The following SSH1 variants were observed in gnomAD, a reference collection of about 807,000 sequenced individuals.
SSH1 encodes the protein protein phosphatase Slingshot homolog 1.
SSH1 carries 43 observed loss-of-function variants against 79.7 expected under a neutral mutation model. The observed-to-expected ratio is 0.54, with a 90% CI of 0.42 to 0.70. The LOEUF is 0.70. SSH1 is among the 30% of genes least tolerant of loss of function. The pLI, the probability that SSH1 is intolerant of heterozygous loss-of-function variation, is 0.00. For missense variants in SSH1, 1,206 were observed against 1,358.8 expected (o/e 0.89, Z 1.77); for synonymous variants, 599 against 538.3 (o/e 1.11, Z -1.56).
intron 13 of SSH1, among the ~76,000 whole-genome samples, chr12:108,793,829 G>A (rs887189938): frequency 6.6e-6 from 1 of 152,226 alleles, no homozygotes; most frequent in African/African-American, 2.4e-5. Flanking sequence ...AGAGGTAAAT[G>A]TAAGAGCACA....
At chr12:108,855,436 A>G (rs2039125099) in intron 1 of SSH1, among the ~76,000 whole-genome samples, 1 of 152,228 alleles carries the variant, frequency 6.6e-6, no homozygotes, top group Non-Finnish European at 1.5e-5. Flanking sequence ...TGGTTGCACA[A>G]TCTCATGTAT....
chr12:108,792,914 G>A (rs1290404918), intron 13 of SSH1, 85 bp from the exon 14 acceptor site: 2 of 1,566,082 alleles, frequency 1.3e-6, no homozygotes, highest in Non-Finnish European at 1.7e-6. Flanking sequence ...AGCCAGTGAG[G>A]GGCTGCCCAA....
chr12:108,796,663 T>C (rs1312745924), intron 13 of SSH1, among the ~76,000 whole-genome samples: 1 of 152,252 alleles, frequency 6.6e-6, no homozygotes, highest in Non-Finnish European at 1.5e-5. Flanking sequence ...AGCACTAATG[T>C]ACAAATATCT....
rs764728494 is a variant in SSH1, at chr12:108,789,029, C to G, written c.2109G>C (p.Lys703Asn). ...HLASRSRVPE[K>N]PASGPTEPPP... ...GAGGTTCGGTTGGGCCAGAGGCTGGCTTCTCCGGAACACGGGACCTGCTGG... is the reference window on the plus strand; with the variant it reads ...GAGGTTCGGTTGGGCCAGAGGCTGGGTTCTCCGGAACACGGGACCTGCTGG... Residue 703 changes from lysine (K) to asparagine (N), a missense_variant, in exon 15 of 15, where the codon AAG (lysine) becomes AAC (asparagine). This residue lies in a region of SSH1 where 709 missense variants were observed against 730.6 expected (regional missense o/e 0.97). Transcript: ENST00000326495. The G allele has an allele frequency of 9.7e-5, 156 of 1,608,668 alleles. No homozygotes were observed. Among genetic ancestry groups the G allele is most frequent in the South Asian group, 8.4e-4 (76 of 90,824 alleles).
intron 2 of SSH1, among the ~76,000 whole-genome samples, chr12:108,846,773 G>GACCCA (rs2038907392): frequency 1.3e-5 from 2 of 152,248 alleles, no homozygotes; most frequent in Non-Finnish European, 2.9e-5. Flanking sequence ...CTCAGGCCTG[G>GACCCA]ACCCAGCACC....
rs149940348 is a variant in SSH1 at position 108,782,369 on chromosome 12, G to A, written c.*5619C>T. On this transcript the variant is annotated 3_prime_UTR_variant, in exon 15 of 15. Transcript: ENST00000326495. ...CTGGCTTTACATTTCCTACTTGTAC[G>A]GGAAGAGAACCCACCCAAAGTCCAA... 8.6e-5 allele frequency: 13 copies of A among 151,948 alleles called. No individual in the cohort carries two copies. The East Asian group carries it at 9.7e-4, about 11-fold the overall frequency. 9.4% of individuals were successfully genotyped at this position (151,948 alleles called of 1,614,324 possible). A position where few individuals can be genotyped will look rare whatever the true frequency, so the allele number is the denominator to read the frequency against.
At position 108,792,788 on chromosome 12, in the gene SSH1, C is replaced by T; in HGVS notation, c.1391G>A (p.Ser464Asn). The T allele has an allele frequency of 6.2e-7, 1 of 1,613,866 alleles. No homozygotes were observed. Among genetic ancestry groups the T allele is most frequent in the Non-Finnish European group, 8.5e-7 (1 of 1,180,016 alleles). Residue 464 changes from serine (S) to asparagine (N), a missense_variant, in exon 14 of 15, where the codon AGC (serine) becomes AAC (asparagine). Physicochemically the swap from Ser to Asn is conservative, Grantham distance 46. Around this residue, in one of 5 missense-constraint regions of SSH1, gnomAD observed 166 missense variants for 262.9 expected, o/e 0.63. Coordinates refer to ENST00000326495, the MANE Select transcript of SSH1 (RefSeq NM_018984.4). Reference protein sequence around the residue: ...HNKLWRQQTDSSLQQPVDDPA... With the variant: ...HNKLWRQQTDNSLQQPVDDPA... The stretch of plus-strand genomic sequence containing the variant: ...GTCATCCACAGGCTGCTGGAGGCTG[C>T]TGTCTGTCTGCTGACGCCACAGCTT...
intron 3 of SSH1, among the ~76,000 whole-genome samples, chr12:108,820,281 C>T (rs2038067207): frequency 6.6e-6 from 1 of 152,170 alleles, no homozygotes. Context: ...GTATAACACC[C>T]TGTGTTGACC....
intron 2 of SSH1, among the ~76,000 whole-genome samples, chr12:108,829,241 C>T (rs192747552): frequency 2.6e-5 from 4 of 152,076 alleles, no homozygotes; most frequent in Admixed American, 2.6e-4. Context: ...GGCAGAGAAT[C>T]ACTTGAACCC....
chr12:108,849,115 T>C (rs2038961996), intron 2 of SSH1, among the ~76,000 whole-genome samples: 1 of 152,072 alleles, frequency 6.6e-6, no homozygotes, highest in Admixed American at 6.6e-5. Context: ...CCAATTCCAA[T>C]CTTGGGCCTC....
intron 1 of SSH1, chr12:108,853,194 T>C: frequency 4.1e-6 from 4 of 985,294 alleles, no homozygotes; most frequent in Non-Finnish European, 4.8e-6. Flanking sequence ...TGAAAGCTCT[T>C]GATGGTTCTC....
At chr12:108,853,028 T>C in intron 1 of SSH1, 1 of 985,372 alleles carries the variant, frequency 1.0e-6, no homozygotes, top group Non-Finnish European at 1.2e-6. Context: ...TGTTTTTCTC[T>C]TTTAAGGGGA....
intron 2 of SSH1, among the ~76,000 whole-genome samples, chr12:108,826,726 A>C (rs1431064844): frequency 2.6e-5 from 4 of 152,166 alleles, no homozygotes; most frequent in Admixed American, 6.5e-5. Context: ...TCTGATGCCC[A>C]GAGGCACAGG....
At chr12:108,851,387 C>T (rs1486236075) in intron 2 of SSH1, among the ~76,000 whole-genome samples, 2 of 152,154 alleles carry the variant, frequency 1.3e-5, no homozygotes, top group African/African-American at 4.8e-5. Flanking sequence ...GAATGGTTGA[C>T]CCCAATTTCT....
At chr12:108,846,206 C>T (rs2038896393) in intron 2 of SSH1, among the ~76,000 whole-genome samples, 2 of 152,178 alleles carry the variant, frequency 1.3e-5, no homozygotes, top group South Asian at 4.1e-4. Context: ...CTCGCTCTGG[C>T]CCAAACCTTT....
At chr12:108,823,948 G>A (rs2038220511) in intron 2 of SSH1, among the ~76,000 whole-genome samples, 2 of 152,278 alleles carry the variant, frequency 1.3e-5, no homozygotes, top group South Asian at 2.1e-4. Flanking sequence ...GATTACAGGC[G>A]TGACCACGCC....
chr12:108,813,256 G>A (rs1006269338), intron 5 of SSH1, among the ~76,000 whole-genome samples: 2 of 152,096 alleles, frequency 1.3e-5, no homozygotes, highest in Admixed American at 6.5e-5. Context: ...AAGTTCCTAG[G>A]GCCTGTATGG....
chr12:108,788,455 G>A lies in SSH1; in HGVS notation c.2683C>T (p.Leu895=). 1 of 1,566,404 alleles carries A rather than the reference G, an allele frequency of 6.4e-7. No individual in the cohort carries two copies. The highest frequency in any genetic ancestry group is 8.6e-7 in the Non-Finnish European group (1 of 1,158,464). ...TAGAAGAAAGGAGGGGGGCTCTTCA[G>A]TGAGCCTCCTTCCAATGAAGCGGGG... is the stretch of plus-strand genomic sequence containing the variant. The part of the protein sequence containing the change: ...AAPASLEGGS[L]KSPPPFFYRL... The change falls in exon 15 of 15, where the codon CTG becomes TTG. Residue 895 remains leucine, a synonymous_variant. Transcript: ENST00000326495.
chr12:108,792,937 A>G, intron 13 of SSH1, 108 bp from the exon 14 acceptor site: 11 of 1,368,362 alleles, frequency 8.0e-6, no homozygotes, highest in Non-Finnish European at 1.1e-5. Context: ...TCAGGGCGCC[A>G]GGGACGATCC....
Sources: allele counts gnomAD v4.1 joint callset (sites outside exome capture counted in the v4.1 genomes callset), GRCh38; gene constraint gnomAD v4.1.1; regional missense constraint gnomAD v4.1.1; transcripts MANE v1.5; gene names NCBI Gene and HGNC (gene_info 2026-07-23, HGNC 2026-07-21).